Variants in PYM1 observed in about 807,000 individuals in gnomAD.
The protein encoded by PYM1 is PYM1 exon junction complex associated factor.
PYM1 carries 7 observed loss-of-function variants against 20.7 expected under a neutral mutation model. The observed-to-expected ratio is 0.34, with a 90% CI of 0.19 to 0.64. The LOEUF is 0.64. Ranked by LOEUF, PYM1 falls within the 30% of genes least tolerant of loss-of-function variation. The pLI is 0.74. For missense variants in PYM1, 194 were observed against 250.0 expected, an observed-to-expected ratio of 0.78 and a Z score of 1.51; for synonymous variants, 100 against 99.2, an observed-to-expected ratio of 1.01 and a Z score of -0.05.
Position 55,901,692 on chromosome 12 carries a change from T to G in PYM1, c.*180A>C. The G allele has an allele frequency of 1.1e-6, 1 of 884,716 alleles. No homozygotes were observed. The highest frequency in any genetic ancestry group is 1.7e-6 in the Non-Finnish European group (1 of 599,758). 54.8% of individuals were successfully genotyped at this position (884,716 alleles called of 1,614,324 possible). On this transcript the variant is annotated 3_prime_UTR_variant, in exon 3 of 3. Coordinates refer to ENST00000408946, the MANE Select transcript of PYM1 (RefSeq NM_032345.3). ...GGGGGAAAGTCCAAAAAGTAGAAGT[T>G]GGGAAGAAAAGGGAAGGATTGAGGG...
rs753235223 is a variant in PYM1 at position 55,902,097 on chromosome 12, G to C, written c.390C>G (p.Gly130=). 20 of 1,614,008 alleles carry C rather than the reference G, an allele frequency of 1.2e-5. No individual in the cohort carries two copies. In the Admixed American group the frequency reaches 3.3e-4, roughly 27 times the overall value. ...ATGCAGCTGTGGGGGCTGCCCGAGA[G>C]CCCTGTGGAGCACTGGGGAGTTGGG... ...ETAQLPSAPQ[G]SRAAPTAASD... is the part of the protein sequence containing the mutation. Residue 130 remains glycine, a synonymous_variant, in exon 3 of 3, where the codon GGC becomes GGG. Transcript: ENST00000408946.
chr12:55,903,340 T>C (rs754130741), intron 2 of PYM1, 47 bp downstream of exon 2: 17 of 1,552,504 alleles, frequency 1.1e-5, no homozygotes, highest in Non-Finnish European at 1.5e-5. Context: ...TCTATCCTTC[T>C]GTAGGGACCC....
chr12:55,920,707 C>T (rs1486477055), intron 1 of PYM1, among the ~76,000 whole-genome samples: 1 of 147,566 alleles, frequency 6.8e-6, no homozygotes, highest in Non-Finnish European at 1.5e-5. Context: ...TGCACAAAAA[C>T]ATTCTAGTGT....
chr12:55,905,869 A>AT (rs1386925749), intron 1 of PYM1, among the ~76,000 whole-genome samples: 2 of 127,244 alleles, frequency 1.6e-5, no homozygotes, highest in African/African-American at 3.0e-5. Context: ...AGATATATAT[A>AT]TATCTATTAG....
At position 55,927,243 on chromosome 12, in the gene PYM1, TGGA is replaced by T. The variant is rs756064647; in HGVS notation, c.37+479_37+481del. 3.4e-5 allele frequency: 45 copies of T among 1,307,638 alleles called. 1 individual carries two copies. The highest frequency in any genetic ancestry group is 2.0e-4 in the South Asian group (16 of 78,954). The allele number at this position is 1,307,638 out of a possible 1,614,324, so 81.0% of individuals were successfully genotyped here. On this transcript the variant is annotated intron_variant, in intron 1 of 2. Coordinates refer to ENST00000408946, the MANE Select transcript of PYM1 (RefSeq NM_032345.3). ...GAGTGCACCATTTCATGGGCGGAGG[TGGA>T]GGAGGAGGAAGAGTGGAGAAGCTGA...
intron 1 of PYM1, among the ~76,000 whole-genome samples, chr12:55,909,262 C>G (rs993652743): frequency 6.6e-6 from 1 of 151,970 alleles, no homozygotes; most frequent in African/African-American, 2.4e-5. Flanking sequence ...AAGAGTCAAA[C>G]TAAACAAAAA....
intron 1 of PYM1, among the ~76,000 whole-genome samples, chr12:55,924,405 G>A (rs978806218): frequency 2.0e-4 from 31 of 152,076 alleles, no homozygotes; most frequent in African/African-American, 5.8e-4. Flanking sequence ...CATTTTGGCA[G>A]ACTGAGGTGG....
intron 1 of PYM1, among the ~76,000 whole-genome samples, chr12:55,922,156 A>G (rs889344859): frequency 6.6e-5 from 10 of 152,024 alleles, no homozygotes; most frequent in Non-Finnish European, 8.8e-5. Flanking sequence ...ATATGCCACC[A>G]TGCCCAGCCC....
chr12:55,927,103 T>A, intron 1 of PYM1: 1 of 1,545,678 alleles, frequency 6.5e-7, no homozygotes, highest in Non-Finnish European at 8.7e-7. Flanking sequence ...ACATAGGGAG[T>A]CGCCATCTTG....
Position 55,927,554 on chromosome 12 carries a change from C to G in PYM1, c.37+171G>C, listed in dbSNP as rs781050187. On this transcript the variant is annotated intron_variant, in intron 1 of 2. Coordinates refer to ENST00000408946, the MANE Select transcript of PYM1 (RefSeq NM_032345.3). ...TTGGTGACGTGGAGCAGACAAACTC[C>G]AGGAACGCACTGGGGCGCACAAGTG... The G allele has an allele frequency of 7.3e-5, 62 of 848,658 alleles. No individual in the cohort carries two copies. In the Middle Eastern group the frequency reaches 1.0e-3, roughly 14 times the overall value. The allele number at this position is 848,658 out of a possible 1,614,324, so 52.6% of individuals were successfully genotyped here.
rs1332058982 is a variant in PYM1, at chr12:55,901,943, C to G, written c.544G>C (p.Glu182Gln). The G allele has an allele frequency of 6.2e-7, 1 of 1,614,112 alleles. No individual in the cohort carries two copies. The highest frequency in any genetic ancestry group is 8.5e-7 in the Non-Finnish European group (1 of 1,180,014). Residue 182 changes from glutamate to glutamine, a missense_variant, in exon 3 of 3, where the codon GAG (glutamate) becomes CAG (glutamine). Transcript: ENST00000408946. ...CTCCTTGCTAGCTTTTCTAGCTGCT[C>G]TTTGCTAGGCTGGCTGACTTCCCCA... ...QAGEVSQPSK[E>Q]QLEKLARRRA... is the part of the protein sequence containing the mutation.
At chr12:55,904,332 G>T (rs1213897125) in intron 1 of PYM1, among the ~76,000 whole-genome samples, 1 of 150,564 alleles carries the variant, frequency 6.6e-6, no homozygotes, top group African/African-American at 2.4e-5. Context: ...GGTGGCTCAT[G>T]CCTATAATCC....
chr12:55,925,148 AGAAGT>A (rs1481322012), intron 1 of PYM1, among the ~76,000 whole-genome samples: 1 of 152,240 alleles, frequency 6.6e-6, no homozygotes, highest in African/African-American at 2.4e-5. Context: ...TAGAGACAAC[AGAAGT>A]GCCTGCTTAG....
intron 1 of PYM1, among the ~76,000 whole-genome samples, chr12:55,925,788 T>C (rs746951479): frequency 2.0e-5 from 3 of 152,214 alleles, no homozygotes; most frequent in African/African-American, 4.8e-5. Flanking sequence ...TAAGATGTGA[T>C]ACCTGGATTT....
intron 1 of PYM1, among the ~76,000 whole-genome samples, chr12:55,923,098 C>T (rs1438057571): frequency 6.6e-6 from 1 of 152,032 alleles, no homozygotes; most frequent in East Asian, 1.9e-4. Context: ...GTGGCACATG[C>T]CTGTAATCCC....
intron 1 of PYM1, among the ~76,000 whole-genome samples, chr12:55,911,213 A>G (rs1383466541): frequency 1.3e-5 from 2 of 152,052 alleles, no homozygotes; most frequent in Admixed American, 6.6e-5. Flanking sequence ...GGTTCAAACG[A>G]TTCTCCTGCC....
At chr12:55,914,420 G>A in intron 1 of PYM1, 1 of 698,074 alleles carries the variant, frequency 1.4e-6, no homozygotes, top group East Asian at 2.7e-5. Flanking sequence ...ATATCTTGCA[G>A]AGAGTCAAAA....
chr12:55,904,746 A>G (rs546545191), intron 1 of PYM1, among the ~76,000 whole-genome samples: 2 of 151,678 alleles, frequency 1.3e-5, no homozygotes, highest in East Asian at 3.9e-4. Context: ...GTGTGATGGC[A>G]CACGTCTGTA....
chr12:55,927,735 A>G lies in PYM1; in HGVS notation c.27T>C (p.Ala9=), dbSNP rs748888174. MEAAGSPA[A]TETGKYIAST... ...CCGCGGGTCGGTCACCTGTCTCCGTAGCCGCAGGGCTGCCGGCAGCTTCCA... is the reference window on the plus strand; with the variant it reads ...CCGCGGGTCGGTCACCTGTCTCCGTGGCCGCAGGGCTGCCGGCAGCTTCCA... Residue 9 remains alanine (A), a synonymous_variant, in exon 1 of 3, where the codon GCT becomes GCC. Coordinates refer to ENST00000408946, the MANE Select transcript of PYM1 (RefSeq NM_032345.3). The G allele has an allele frequency of 6.5e-7, 1 of 1,539,972 alleles. No homozygotes were observed. The highest frequency in any genetic ancestry group is 8.7e-7 in the Non-Finnish European group (1 of 1,146,598).
Sources: gnomAD v4.1 joint callset for allele counts (sites outside exome capture counted in the v4.1 genomes callset) on GRCh38, gnomAD v4.1.1 for gene constraint, MANE v1.5 for transcripts, NCBI Gene and HGNC (gene_info 2026-07-23, HGNC 2026-07-21) for gene names.